The following IL1RAPL1 variants were observed in gnomAD, a reference collection of about 807,000 sequenced individuals.
The protein encoded by IL1RAPL1 is interleukin 1 receptor accessory protein like 1, also known as interleukin-1 receptor accessory protein-like 1.
A neutral mutation model predicts 48.4 loss-of-function variants in IL1RAPL1; 3 were observed. That is an observed-to-expected ratio of 0.06 (90% confidence interval 0.03 to 0.16). The LOEUF (loss-of-function observed/expected upper bound fraction) is 0.16. IL1RAPL1 is among the 10% of genes least tolerant of loss of function. The pLI is 1.00. For synonymous variants in IL1RAPL1, 185 were observed against 187.7 expected, an observed-to-expected ratio of 0.99 and a Z score of 0.12; for missense variants, 349 against 530.6, an observed-to-expected ratio of 0.66 and a Z score of 3.36.
chrX:29,894,689 T>C (rs1376021101), intron 6 of IL1RAPL1, among the ~76,000 whole-genome samples: 1 of 111,993 alleles, frequency 8.9e-6, no homozygotes, highest in Non-Finnish European at 1.9e-5. Flanking sequence ...CATTTTCTAG[T>C]ATCATATTTT....
intron 2 of IL1RAPL1, among the ~76,000 whole-genome samples, chrX:29,096,981 G>A (rs1285682819): frequency 2.7e-5 from 3 of 110,427 alleles, no homozygotes; most frequent in Admixed American, 1.9e-4. Context: ...CTTATGGAGG[G>A]CACACCCTTT....
At chrX:29,621,001 T>G (rs890751037) in intron 5 of IL1RAPL1, among the ~76,000 whole-genome samples, 1 of 112,138 alleles carries the variant, frequency 8.9e-6, no homozygotes, top group Admixed American at 9.5e-5. Context: ...ACGTGGTAAT[T>G]GCCATAGATT....
chrX:29,857,816 A>G (rs1386365995), intron 6 of IL1RAPL1, among the ~76,000 whole-genome samples: 1 of 112,002 alleles, frequency 8.9e-6, no homozygotes, highest in Non-Finnish European at 1.9e-5. Context: ...GCAATTCTGG[A>G]AAAGTGACTG....
At chrX:29,918,123 C>CAAAAA (rs781348669) in intron 7 of IL1RAPL1, among the ~76,000 whole-genome samples, 10 of 7,816 alleles carry the variant, frequency 1.3e-3, no homozygotes, top group African/African-American at 5.2e-3. Context: ...ACTCTGTCTC[C>CAAAAA]AAAAAAAAAA....
intron 2 of IL1RAPL1, among the ~76,000 whole-genome samples, chrX:29,026,267 T>C (rs1926484084): frequency 8.9e-6 from 1 of 112,377 alleles, no homozygotes; most frequent in South Asian, 3.6e-4. Context: ...TTGATTTGAT[T>C]TGATTATCAG....
chrX:28,968,327 C>A (rs991639819), intron 2 of IL1RAPL1, among the ~76,000 whole-genome samples: 1 of 110,814 alleles, frequency 9.0e-6, no homozygotes, highest in Admixed American at 9.7e-5. Flanking sequence ...GGCTGAGATA[C>A]AAAGTAACAT....
chrX:29,426,920 T>C (rs751266591), intron 5 of IL1RAPL1, among the ~76,000 whole-genome samples: 1 of 110,979 alleles, frequency 9.0e-6, no homozygotes, highest in South Asian at 3.9e-4. Context: ...TTATACTTCT[T>C]AGTCTCTAAA....
intron 2 of IL1RAPL1, among the ~76,000 whole-genome samples, chrX:29,063,732 T>G (rs1205281994): frequency 9.0e-6 from 1 of 111,391 alleles, no homozygotes; most frequent in Non-Finnish European, 1.9e-5. Context: ...ACTGCATTTC[T>G]TTAACTGAAT....
At chrX:29,012,982 A>G (rs1473562736) in intron 2 of IL1RAPL1, among the ~76,000 whole-genome samples, 1 of 111,983 alleles carries the variant, frequency 8.9e-6, no homozygotes, top group Non-Finnish European at 1.9e-5. Context: ...AAAGAATTGT[A>G]ACAGGAAATG....
At chrX:28,709,992 ATGGAGGCTCATC>A (rs1935421033) in intron 1 of IL1RAPL1, among the ~76,000 whole-genome samples, 2 of 112,023 alleles carry the variant, frequency 1.8e-5, no homozygotes, top group African/African-American at 6.5e-5. Context: ...ATTTAAAAAG[ATGGAGGCTCATC>A]TATTTTTATA....
intron 3 of IL1RAPL1, among the ~76,000 whole-genome samples, chrX:29,385,042 A>G (rs1204062360): frequency 3.6e-5 from 4 of 112,255 alleles, no homozygotes; most frequent in East Asian, 5.6e-4. Flanking sequence ...GTGGTAAAAT[A>G]CCACACAATT....
chrX:29,260,576 A>G (rs1161974968), intron 2 of IL1RAPL1, among the ~76,000 whole-genome samples: 1 of 111,510 alleles, frequency 9.0e-6, no homozygotes, highest in African/African-American at 3.3e-5. Flanking sequence ...CCCTTGACAC[A>G]TGGGGATTAT....
chrX:29,279,391 G>A lies in IL1RAPL1; in HGVS notation c.83-3547G>A, dbSNP rs766070092. On this transcript the variant is annotated intron_variant, in intron 2 of 10. Transcript: ENST00000378993. Reference sequence around the variant, plus strand: ...GCGGAGGTTGCAGTGAGCCAAGATCGTGCCTCTGCACTCCAGCCTGGGCGA... The same window carrying A: ...GCGGAGGTTGCAGTGAGCCAAGATCATGCCTCTGCACTCCAGCCTGGGCGA... 1.1e-4 allele frequency among the ~76,000 whole-genome samples: 12 copies of A among 109,837 alleles called. No individual in the cohort carries two copies. In the South Asian group the frequency reaches 3.5e-3, roughly 32 times the overall value.
At chrX:28,744,190 AAAAGAGT>A (rs1373245100) in intron 1 of IL1RAPL1, among the ~76,000 whole-genome samples, 13 of 111,486 alleles carry the variant, frequency 1.2e-4, no homozygotes, top group African/African-American at 4.2e-4. Context: ...CTGAAGGGTA[AAAAGAGT>A]CTTTACATCT....
chrX:28,964,544 G>A (rs943272484), intron 2 of IL1RAPL1, among the ~76,000 whole-genome samples: 1 of 111,749 alleles, frequency 8.9e-6, no homozygotes, highest in Non-Finnish European at 1.9e-5. Flanking sequence ...GAATTTAGCA[G>A]TGGAATAAAT....
intron 1 of IL1RAPL1, among the ~76,000 whole-genome samples, chrX:28,605,685 T>G (rs1466092102): frequency 8.9e-6 from 1 of 112,055 alleles, no homozygotes; most frequent in Non-Finnish European, 1.9e-5. Context: ...CCTGCAAAGG[T>G]TGCTGATTTT....
chrX:28,609,989 G>T (rs1934129754), intron 1 of IL1RAPL1, among the ~76,000 whole-genome samples: 1 of 111,421 alleles, frequency 9.0e-6, no homozygotes, highest in Non-Finnish European at 1.9e-5. Context: ...GTCATAATAA[G>T]TCCTAATGAA....
intron 2 of IL1RAPL1, among the ~76,000 whole-genome samples, chrX:28,947,676 G>A (rs950873556): frequency 3.6e-5 from 4 of 111,433 alleles, no homozygotes; most frequent in Non-Finnish European, 7.6e-5. Flanking sequence ...AAACCTGCAC[G>A]TTGTGCACAT....
chrX:28,732,758 A>G (rs1234483798), intron 1 of IL1RAPL1, among the ~76,000 whole-genome samples: 6 of 111,209 alleles, frequency 5.4e-5, no homozygotes, highest in African/African-American at 2.0e-4. Context: ...AGTCCCAGCT[A>G]CTTAGGAGAC....
Sources: gnomAD v4.1 joint callset for allele counts (sites outside exome capture counted in the v4.1 genomes callset) on GRCh38, gnomAD v4.1.1 for gene constraint, MANE v1.5 for transcripts, NCBI Gene and HGNC (gene_info 2026-07-23, HGNC 2026-07-21) for gene names.